The following ZNF587B variants were observed in gnomAD, a reference collection of about 807,000 sequenced individuals.
The protein encoded by ZNF587B is zinc finger protein 587B.
ZNF587B carries 6 observed loss-of-function variants against 7.2 expected under a neutral mutation model. The ratio of observed to expected loss-of-function variants is 0.83; its 90% confidence interval spans 0.46 to 1.65. The LOEUF (loss-of-function observed/expected upper bound fraction) is 1.65. Ranked by LOEUF, ZNF587B falls within the 40% of genes most tolerant of loss-of-function variation. The probability of loss-of-function intolerance (pLI) is 0.01; values close to 1 mark genes in which losing one functional copy is unlikely to be tolerated. For missense variants in ZNF587B, 749 were observed against 761.0 expected, an observed-to-expected ratio of 0.98 and a Z score of 0.19; for synonymous variants, 274 against 254.3, an observed-to-expected ratio of 1.08 and a Z score of -0.74.
chr19:57,839,370 C>A (rs1361640351), intron 2 of ZNF587B, among the ~76,000 whole-genome samples: 1 of 152,148 alleles, frequency 6.6e-6, no homozygotes, highest in Non-Finnish European at 1.5e-5. Context: ...GGAGGGATTC[C>A]CAGTCAGAAG....
chr19:57,830,803 T>TAA lies in ZNF587B; in HGVS notation c.36+247_36+248dup, dbSNP rs35720058. ...GAGACGAATTAAGAGTCCGTTTATT[T>TAA]AAAAAAAAATCCGTTTATTTAGCCG... On this transcript the variant is annotated intron_variant, in intron 1 of 2. Coordinates refer to ENST00000594901, the MANE Select transcript of ZNF587B (RefSeq NM_001376223.1). Among the ~76,000 whole-genome samples the TAA allele has an allele frequency of 1.3e-3, 190 of 151,188 alleles. 1 individual carries two copies. Among genetic ancestry groups the TAA allele is most frequent in the African/African-American group, 3.1e-3 (126 of 41,218 alleles).
intron 2 of ZNF587B, among the ~76,000 whole-genome samples, chr19:57,840,075 C>CAAAAAAAAAAAAAAAAAAAAAAAAAAAA (rs774635301): frequency 3.7e-5 from 3 of 81,112 alleles, no homozygotes; most frequent in African/African-American, 9.0e-5. Flanking sequence ...ACTCTGTCTC[C>CAAAAAAAAAAAAAAAAAAAAAAAAAAAA]AAAAAAAAAA....
chr19:57,844,345 A>G lies in ZNF587B; in HGVS notation c.*1769A>G, dbSNP rs1447065880. 3.5e-6 allele frequency: 1 copy of G among 289,398 alleles called. No homozygotes were observed. Among genetic ancestry groups the G allele is most frequent in the South Asian group, 2.4e-5 (1 of 41,096 alleles). 17.9% of individuals were successfully genotyped at this position (289,398 alleles called of 1,614,324 possible). ...TAGTGAAATCCTGTCTCTTCTAAAA[A>G]TATAAAAATTAGCCGGGCATGGTGG... On this transcript the variant is annotated 3_prime_UTR_variant, in exon 3 of 3. Transcript: ENST00000594901.
rs1988927046 is a variant in ZNF587B at position 57,843,233 on chromosome 19, CTG to C, written c.*659_*660del. The C allele has an allele frequency of 3.2e-6, 3 of 928,040 alleles. No individual in the cohort carries two copies. The highest frequency in any genetic ancestry group is 1.2e-4 in the Admixed American group (2 of 16,174). The allele number at this position is 928,040 out of a possible 1,614,324, so 57.5% of individuals were successfully genotyped here. ...TATCGAACTCCTGAGCTCAAGCAAT[CTG>C]TACACCTCAGCCTCCCAAAGTGCTG... On this transcript the variant is annotated 3_prime_UTR_variant, in exon 3 of 3. Transcript: ENST00000594901.
At chr19:57,839,252 C>T (rs1988748448) in intron 2 of ZNF587B, 103 bp downstream of exon 2, 1 of 1,531,144 alleles carries the variant, frequency 6.5e-7, no homozygotes, top group East Asian at 2.3e-5. Context: ...GACACAGCTT[C>T]CTGCTTCAGT....
chr19:57,836,908 A>AGCTGAGAT (rs1988629704), intron 1 of ZNF587B, among the ~76,000 whole-genome samples: 1 of 147,156 alleles, frequency 6.8e-6, no homozygotes, highest in Non-Finnish European at 1.5e-5. Context: ...GGTTGCAGTG[A>AGCTGAGAT]GCTGAGATTG....
chr19:57,837,239 A>G (rs1371480800), intron 1 of ZNF587B, among the ~76,000 whole-genome samples: 3 of 150,872 alleles, frequency 2.0e-5, no homozygotes, highest in Non-Finnish European at 4.4e-5. Context: ...CCCTCTTATC[A>G]GGCTGTTAAT....
rs778417627 is a variant in ZNF587B at position 57,842,324 on chromosome 19, T to C, written c.1650T>C (p.Tyr550=). ...HKRVHTGQKP[Y]ECSECGKSFA... is the part of the protein sequence containing the mutation. ...GAGTTCACACTGGTCAGAAGCCTTA[T>C]GAGTGCAGTGAATGTGGGAAATCTT... Residue 550 remains tyrosine, a synonymous_variant, in exon 3 of 3, where the codon TAT becomes TAC. Transcript: ENST00000594901. 1.9e-6 allele frequency: 3 copies of C among 1,608,604 alleles called. No homozygotes were observed. In the South Asian group the frequency reaches 3.3e-5, roughly 18 times the overall value.
rs754230611 is a variant in ZNF587B, at chr19:57,842,099, TAAG to T, written c.1432_1434del (p.Lys478del). ...TGTGTTGGGAATGTGGAAAATTATT[TAAG>T]AAGAAGTCTCACCTCCTTGTACACC... On this transcript the variant is annotated inframe_deletion, in exon 3 of 3. Coordinates refer to ENST00000594901, the MANE Select transcript of ZNF587B (RefSeq NM_001376223.1). 3.1e-5 allele frequency: 49 copies of T among 1,600,046 alleles called. No homozygotes were observed. The highest frequency in any genetic ancestry group is 3.3e-4 in the Middle Eastern group (2 of 6,080).
chr19:57,843,403 T>A lies in ZNF587B; in HGVS notation c.*827T>A, dbSNP rs1988932528. On this transcript the variant is annotated 3_prime_UTR_variant, in exon 3 of 3. Transcript: ENST00000594901. ...GTATTATATTTTTTACTATGCCCTG[T>A]TATCTTGCTAGACTTATGTGACTGC... The A allele has an allele frequency of 1.0e-6, 1 of 985,298 alleles. No individual in the cohort carries two copies. Among genetic ancestry groups the A allele is most frequent in the African/African-American group, 1.7e-5 (1 of 57,236 alleles). The allele number at this position is 985,298 out of a possible 1,614,324, so 61.0% of individuals were successfully genotyped here.
chr19:57,843,680 C>A lies in ZNF587B; in HGVS notation c.*1104C>A. On this transcript the variant is annotated 3_prime_UTR_variant, in exon 3 of 3. Coordinates refer to ENST00000594901, the MANE Select transcript of ZNF587B (RefSeq NM_001376223.1). ...GCAGTGGTGTGATCCTGGTTCATTG[C>A]AACCTCTGCCTCCTGAGTTCAAGCA... 2 of 598,470 alleles carry A rather than the reference C, an allele frequency of 3.3e-6. No homozygotes were observed. The highest frequency in any genetic ancestry group is 4.1e-6 in the Non-Finnish European group (2 of 486,594). 37.1% of individuals were successfully genotyped at this position (598,470 alleles called of 1,614,324 possible). A position where few individuals can be genotyped will look rare whatever the true frequency, so the allele number is the denominator to read the frequency against.
rs1438793359 is a variant in ZNF587B, at chr19:57,840,818, C to A, written c.164-20C>A. 1.3e-6 allele frequency: 2 copies of A among 1,560,532 alleles called. No individual in the cohort carries two copies. On this transcript the variant is annotated intron_variant, in intron 2 of 2. Coordinates refer to ENST00000594901, the MANE Select transcript of ZNF587B (RefSeq NM_001376223.1). Reference sequence around the variant, plus strand: ...CCACCAGAGTTAACATGCACTTCACCAGCATTTTCTTGCTTTCAGGTTGTT... The same window carrying A: ...CCACCAGAGTTAACATGCACTTCACAAGCATTTTCTTGCTTTCAGGTTGTT...
At chr19:57,839,897 G>T (rs1337170741) in intron 2 of ZNF587B, among the ~76,000 whole-genome samples, 1 of 151,882 alleles carries the variant, frequency 6.6e-6, no homozygotes, top group African/African-American at 2.4e-5. Flanking sequence ...TGGCCAAGAT[G>T]GTGAAACCCT....
chr19:57,840,450 G>A (rs558248180), intron 2 of ZNF587B, among the ~76,000 whole-genome samples: 146 of 152,106 alleles, frequency 9.6e-4, no homozygotes, highest in East Asian at 3.3e-3. Flanking sequence ...AAGTATATAC[G>A]CTTTGTTACA....
chr19:57,838,598 T>C (rs556799731), intron 1 of ZNF587B, among the ~76,000 whole-genome samples: 2 of 152,204 alleles, frequency 1.3e-5, no homozygotes, highest in East Asian at 3.9e-4. Flanking sequence ...AGACTCCATC[T>C]CAAACAAACA....
At position 57,830,490 on chromosome 19, in the gene ZNF587B, A is replaced by C. The variant is rs776233307; in HGVS notation, c.-39A>C. 3.9e-6 allele frequency: 6 copies of C among 1,547,538 alleles called. No homozygotes were observed. The highest frequency in any genetic ancestry group is 3.9e-5 in the Admixed American group (2 of 50,928). ...TCATGCCCATATCTCCTGGCTGGTC[A>C]CCCTCTCCTCCCAACCCTGCTTTAA... On this transcript the variant is annotated 5_prime_UTR_variant, in exon 1 of 3. Coordinates refer to ENST00000594901, the MANE Select transcript of ZNF587B (RefSeq NM_001376223.1).
rs1323431819 is a variant in ZNF587B, at chr19:57,845,980, A to C, written c.*3404A>C. ...GAGACCCCATCTTAAAAATAAAATA[A>C]AGATATAAATGACATCCAATAAAGT... On this transcript the variant is annotated 3_prime_UTR_variant, in exon 3 of 3. Transcript: ENST00000594901. 6.6e-6 allele frequency: 1 copy of C among 152,204 alleles called. No homozygotes were observed. The highest frequency in any genetic ancestry group is 1.5e-5 in the Non-Finnish European group (1 of 68,036). The allele number at this position is 152,204 out of a possible 1,614,324, so 9.4% of individuals were successfully genotyped here.
rs928288754 is a variant in ZNF587B, at chr19:57,845,991, G to C, written c.*3415G>C. On this transcript the variant is annotated 3_prime_UTR_variant, in exon 3 of 3. Transcript: ENST00000594901. ...TTAAAAATAAAATAAAGATATAAAT[G>C]ACATCCAATAAAGTACACATATTTG... is the stretch of plus-strand genomic sequence containing the variant. The C allele has an allele frequency of 6.6e-6, 1 of 152,098 alleles. No individual in the cohort carries two copies. Among genetic ancestry groups the C allele is most frequent in the African/African-American group, 2.4e-5 (1 of 41,432 alleles). The allele number at this position is 152,098 out of a possible 1,614,324, so 9.4% of individuals were successfully genotyped here.
chr19:57,842,963 A>G lies in ZNF587B; in HGVS notation c.*387A>G. ...AACACTGAGATGAGAAAAACACTGT[A>G]GATGTATAGGTTAGATATATAGGGA... On this transcript the variant is annotated 3_prime_UTR_variant, in exon 3 of 3. Coordinates refer to ENST00000594901, the MANE Select transcript of ZNF587B (RefSeq NM_001376223.1). The G allele has an allele frequency of 1.0e-6, 1 of 985,352 alleles. No individual in the cohort carries two copies. The highest frequency in any genetic ancestry group is 1.2e-6 in the Non-Finnish European group (1 of 829,888). The allele number at this position is 985,352 out of a possible 1,614,324, so 61.0% of individuals were successfully genotyped here. A position where few individuals can be genotyped will look rare whatever the true frequency, so the allele number is the denominator to read the frequency against.
Sources: allele counts gnomAD v4.1 joint callset (sites outside exome capture counted in the v4.1 genomes callset), GRCh38; gene constraint gnomAD v4.1.1; transcripts MANE v1.5; gene names NCBI Gene and HGNC (gene_info 2026-07-23, HGNC 2026-07-21).